The following TNRC6B variants were observed in gnomAD, a reference collection of about 807,000 sequenced individuals.
The protein encoded by TNRC6B is trinucleotide repeat containing adaptor 6B.
A neutral mutation model predicts 203.6 loss-of-function variants in TNRC6B; 52 were observed. The observed-to-expected ratio is 0.26, with a 90% CI of 0.20 to 0.32. The LOEUF is 0.32. Among genes scored for constraint, TNRC6B ranks in the 10% least tolerant of loss-of-function variants. The pLI is 1.00. For missense variants in TNRC6B, 1,923 were observed against 2,286.2 expected (o/e 0.84, Z 3.24); for synonymous variants, 838 against 845.7 (o/e 0.99, Z 0.16).
At chr22:40,319,253 C>T (rs185912686) in intron 21 of TNRC6B, among the ~76,000 whole-genome samples, 2 of 150,262 alleles carry the variant, frequency 1.3e-5, no homozygotes, top group Admixed American at 6.6e-5. Flanking sequence ...AGAGTGAGAC[C>T]CCCCCCATCT....
intron 11 of TNRC6B, among the ~76,000 whole-genome samples, chr22:40,282,692 A>G (rs1169966848): frequency 1.3e-5 from 2 of 152,198 alleles, no homozygotes; most frequent in African/African-American, 4.8e-5. Flanking sequence ...AGATTGCTAC[A>G]AAGTCCATTG....
chr22:40,118,810 C>T (rs1484183805), intron 2 of TNRC6B, among the ~76,000 whole-genome samples: 1 of 152,220 alleles, frequency 6.6e-6, no homozygotes, highest in East Asian at 1.9e-4. Context: ...AAACAAGATC[C>T]ACTGGAGGCA....
chr22:40,226,212 T>C (rs1410200214), intron 1 of TNRC6B, among the ~76,000 whole-genome samples: 1 of 152,208 alleles, frequency 6.6e-6, no homozygotes, highest in African/African-American at 2.4e-5. Context: ...AGAACACGAC[T>C]TTCCATTTTT....
intron 1 of TNRC6B, among the ~76,000 whole-genome samples, chr22:40,069,348 C>G (rs1197542187): frequency 6.6e-6 from 1 of 151,874 alleles, no homozygotes; most frequent in Non-Finnish European, 1.5e-5. Flanking sequence ...TCAAGGGATC[C>G]TCCTACCTCA....
intron 1 of TNRC6B, among the ~76,000 whole-genome samples, chr22:40,051,520 C>T (rs1056219048): frequency 2.0e-5 from 3 of 152,218 alleles, no homozygotes; most frequent in African/African-American, 4.8e-5. Context: ...TGACAACTGC[C>T]TCCAGTGTCT....
At chr22:40,079,670 G>A (rs1209250803) in intron 1 of TNRC6B, among the ~76,000 whole-genome samples, 1 of 151,926 alleles carries the variant, frequency 6.6e-6, no homozygotes, top group Non-Finnish European at 1.5e-5. Flanking sequence ...CCAGGCTAGA[G>A]TACAGTGGCA....
At chr22:40,057,292 GTTTT>G (rs398037161) in intron 1 of TNRC6B, among the ~76,000 whole-genome samples, 2 of 130,018 alleles carry the variant, frequency 1.5e-5, no homozygotes, top group African/African-American at 2.9e-5. Context: ...AATATGCCAG[GTTTT>G]TTTTTTTTTT....
At chr22:40,299,398 C>T (rs1192716567) in intron 12 of TNRC6B, among the ~76,000 whole-genome samples, 2 of 152,096 alleles carry the variant, frequency 1.3e-5, no homozygotes, top group African/African-American at 4.8e-5. Flanking sequence ...CGCCATCACA[C>T]CCAGCTAATT....
intron 1 of TNRC6B, among the ~76,000 whole-genome samples, chr22:40,225,870 A>G (rs2069778667): frequency 6.6e-6 from 1 of 152,160 alleles, no homozygotes; most frequent in Admixed American, 6.5e-5. Context: ...ACCTAAGTAG[A>G]AATTAGGTGT....
rs1434893758 is a variant in TNRC6B at position 40,075,166 on chromosome 22, T to A, written c.-121+30168T>A. Among the ~76,000 whole-genome samples, 816 of 96,592 alleles carry A rather than the reference T, an allele frequency of 8.4e-3. 6 individuals carry two copies. Among genetic ancestry groups the A allele is most frequent in the African/African-American group, 0.034 (728 of 21,632 alleles). 63.4% of individuals were successfully genotyped at this position (96,592 alleles called of 152,430 possible). A position where few individuals can be genotyped will look rare whatever the true frequency, so the allele number is the denominator to read the frequency against. ...TATATATATATATATATTTTTTTTTTTTTTTTTTTTTTTCTTACTGATTTT... is the reference window on the plus strand; with the variant it reads ...TATATATATATATATATTTTTTTTTATTTTTTTTTTTTTCTTACTGATTTT... On this transcript the variant is annotated intron_variant, in intron 1 of 23. Transcript: ENST00000301923.
rs151196324 is a variant in TNRC6B at position 40,113,457 on chromosome 22, C to T, written c.-120-3598C>T. ...GCATCCCCTGCCTCCTAGGCTCAAG[C>T]CATCCTCCCACCTCAGCCTCCTGAG... On this transcript the variant is annotated intron_variant, in intron 1 of 23. Transcript: ENST00000301923. Among the ~76,000 whole-genome samples the T allele has an allele frequency of 3.1e-3, 468 of 152,254 alleles. 2 individuals carry two copies. The highest frequency in any genetic ancestry group is 0.011 in the African/African-American group (449 of 41,536).
chr22:40,185,349 A>G (rs911655468), intron 1 of TNRC6B, among the ~76,000 whole-genome samples: 3 of 152,164 alleles, frequency 2.0e-5, no homozygotes, highest in African/African-American at 7.2e-5. Context: ...TACCTGTACT[A>G]TGCAGTGCAA....
chr22:40,155,498 A>G (rs1342007355), intron 3 of TNRC6B, among the ~76,000 whole-genome samples: 1 of 152,140 alleles, frequency 6.6e-6, no homozygotes, highest in Non-Finnish European at 1.5e-5. Flanking sequence ...CATGTTGGCC[A>G]GGATGGTCTT....
At chr22:40,073,047 C>G (rs2067966482) in intron 1 of TNRC6B, among the ~76,000 whole-genome samples, 1 of 151,508 alleles carries the variant, frequency 6.6e-6, no homozygotes, top group Non-Finnish European at 1.5e-5. Flanking sequence ...TAAGGACATT[C>G]AGTCTCAAGT....
At chr22:40,242,991 C>T (rs939867219) in intron 1 of TNRC6B, among the ~76,000 whole-genome samples, 5 of 152,096 alleles carry the variant, frequency 3.3e-5, no homozygotes, top group African/African-American at 1.2e-4. Flanking sequence ...GCCTCAGCCT[C>T]TCGAGTAGCT....
intron 1 of TNRC6B, among the ~76,000 whole-genome samples, chr22:40,186,514 C>T (rs539626548): frequency 1.3e-5 from 2 of 151,740 alleles, no homozygotes; most frequent in Non-Finnish European, 2.9e-5. Context: ...CCGAGGTGAG[C>T]GGATCACAAG....
At chr22:40,285,538 C>A in intron 11 of TNRC6B, 107 bp from the exon 12 acceptor site, 1 of 1,348,398 alleles carries the variant, frequency 7.4e-7, no homozygotes, top group Non-Finnish European at 1.0e-6. Flanking sequence ...GTTATTCCAT[C>A]GAACACAGCC....
chr22:40,154,860 A>AAAAATATAT (rs1555885936), intron 3 of TNRC6B, among the ~76,000 whole-genome samples: 3 of 23,588 alleles, frequency 1.3e-4, no homozygotes, highest in African/African-American at 3.3e-4. Context: ...AAAAAAAAAA[A>AAAAATATAT]ATATATATAT....
At chr22:40,257,635 G>C (rs1444254843) in intron 3 of TNRC6B, among the ~76,000 whole-genome samples, 3 of 152,114 alleles carry the variant, frequency 2.0e-5, no homozygotes, top group African/African-American at 7.2e-5. Flanking sequence ...AGAATCGCTT[G>C]ATCCTGGGAG....
Sources: gnomAD v4.1 joint callset for allele counts (sites outside exome capture counted in the v4.1 genomes callset) on GRCh38, gnomAD v4.1.1 for gene constraint, MANE v1.5 for transcripts, NCBI Gene and HGNC (gene_info 2026-07-23, HGNC 2026-07-21) for gene names.